Variants in AKAP13 observed in about 807,000 individuals in gnomAD.
The protein encoded by AKAP13 is A-kinase anchoring protein 13.
A neutral mutation model predicts 264.5 loss-of-function variants in AKAP13; 80 were observed. That is an observed-to-expected ratio of 0.30 (90% CI 0.25 to 0.36). The LOEUF is 0.36. AKAP13 is among the 10% of genes least tolerant of loss of function. The pLI is 1.00. For missense variants in AKAP13, 3,712 were observed against 3,435.2 expected (o/e 1.08, Z -2.01); for synonymous variants, 1,380 against 1,250.2 (o/e 1.10, Z -2.19).
intron 10 of AKAP13, among the ~76,000 whole-genome samples, chr15:85,650,768 A>AAAAAAAC (rs2082777274): frequency 7.3e-6 from 1 of 137,454 alleles, no homozygotes; most frequent in Admixed American, 7.3e-5. Context: ...AAAAAAAAAA[A>AAAAAAAC]AAAAAAAAAA....
Position 85,380,722 on chromosome 15 carries a change from C to T in AKAP13, c.-88C>T, listed in dbSNP as rs2083376691. On this transcript the variant is annotated 5_prime_UTR_variant, in exon 1 of 37. Transcript: ENST00000394518. The stretch of plus-strand genomic sequence containing the variant: ...CTTTAGCCGCCTCCGGGGGAGCGGC[C>T]GCCTATTGTCTTTCTCCGCGGCGAA... The T allele has an allele frequency of 6.6e-6, 1 of 152,624 alleles. No homozygotes were observed. The highest frequency in any genetic ancestry group is 2.1e-4 in the South Asian group (1 of 4,838). The allele number at this position is 152,624 out of a possible 1,614,324, so 9.5% of individuals were successfully genotyped here.
chr15:85,508,191 TGGAGAGCAGTG>T (rs1381671866), intron 2 of AKAP13, among the ~76,000 whole-genome samples: 1 of 151,618 alleles, frequency 6.6e-6, no homozygotes, highest in East Asian at 1.9e-4. Context: ...TCACCCAGGC[TGGAGAGCAGTG>T]GCACAGTCTT....
chr15:85,699,229 A>G (rs1041272821), intron 17 of AKAP13, among the ~76,000 whole-genome samples: 6 of 152,106 alleles, frequency 3.9e-5, no homozygotes, highest in Non-Finnish European at 1.5e-5. Flanking sequence ...AGAACACCTG[A>G]GGTCAGGAGT....
intron 9 of AKAP13, among the ~76,000 whole-genome samples, chr15:85,641,333 A>C (rs56023266): frequency 0.64 from 95,753 of 149,646 alleles, 30,792 homozygotes; most frequent in Middle Eastern, 0.73. Context: ...GTAGTCCCAG[A>C]TACTCGGGAG....
intron 5 of AKAP13, among the ~76,000 whole-genome samples, chr15:85,548,137 G>C (rs2077821015): frequency 6.6e-6 from 1 of 152,270 alleles, no homozygotes; most frequent in African/African-American, 2.4e-5. Context: ...ACCCATGTTG[G>C]GGGTATGAGG....
chr15:85,717,445 C>CTG, intron 21 of AKAP13, 43 bp downstream of exon 21: 1 of 1,354,248 alleles, frequency 7.4e-7, no homozygotes, highest in Non-Finnish European at 1.0e-6. Flanking sequence ...TCTGTAGGGA[C>CTG]TGTGTGTGTG....
chr15:85,742,738 A>G (rs2089127027), intron 35 of AKAP13, among the ~76,000 whole-genome samples: 1 of 152,206 alleles, frequency 6.6e-6, no homozygotes, highest in African/African-American at 2.4e-5. Context: ...GCCTGGGTGT[A>G]CACAGATCTG....
At chr15:85,519,062 A>G (rs1271232518) in intron 2 of AKAP13, among the ~76,000 whole-genome samples, 1 of 152,048 alleles carries the variant, frequency 6.6e-6, no homozygotes, top group African/African-American at 2.4e-5. Context: ...AGGAAGATAT[A>G]TTCTTAGAAT....
rs1202234559 is a variant in AKAP13, at chr15:85,684,742, A to G, written c.5158A>G (p.Ile1720Val). 5 of 1,609,410 alleles carry G rather than the reference A, an allele frequency of 3.1e-6. No individual in the cohort carries two copies. In the South Asian group the frequency reaches 3.3e-5, roughly 11 times the overall value. ...ATCAATCTTCTTGTTTTTATTTAGTATAACAGAAGAGAACTATAATTTCCT... is the reference window on the plus strand; with the variant it reads ...ATCAATCTTCTTGTTTTTATTTAGTGTAACAGAAGAGAACTATAATTTCCT... ...HNTSANLTES[I>V]TEENYNFLPH... The change falls in exon 16 of 37, where the codon ATA becomes GTA. Residue 1720 changes from isoleucine (I) to valine (V), a missense_variant and splice_region_variant. This residue lies in a region of AKAP13 where 2,759 missense variants were observed against 2,411.7 expected (regional missense o/e 1.14). Transcript: ENST00000394518.
intron 20 of AKAP13, 79 bp downstream of exon 20, chr15:85,716,002 C>CTTTTT (rs71141478): frequency 5.5e-6 from 7 of 1,269,834 alleles, no homozygotes; most frequent in Admixed American, 3.2e-5. Flanking sequence ...TGACAAAAAG[C>CTTTTT]TTTTTTTTTT....
intron 2 of AKAP13, among the ~76,000 whole-genome samples, chr15:85,491,497 T>TTTATTATATATTA (rs1567085099): frequency 1.4e-5 from 2 of 140,692 alleles, no homozygotes; most frequent in Admixed American, 1.5e-4. Flanking sequence ...TTATATATAT[T>TTTATTATATATTA]TATTATATAT....
At chr15:85,651,217 TAAG>T (rs2082825455) in intron 10 of AKAP13, among the ~76,000 whole-genome samples, 1 of 152,244 alleles carries the variant, frequency 6.6e-6, no homozygotes, top group Non-Finnish European at 1.5e-5. Flanking sequence ...AACATTTTAT[TAAG>T]AATATATTGA....
intron 8 of AKAP13, chr15:85,635,120 G>T: frequency 2.5e-6 from 1 of 398,092 alleles, no homozygotes; most frequent in South Asian, 1.3e-4. Flanking sequence ...GTATATGTTT[G>T]ACATTATGAA....
At chr15:85,448,788 T>C (rs2073984968) in intron 1 of AKAP13, among the ~76,000 whole-genome samples, 4 of 151,804 alleles carry the variant, frequency 2.6e-5, no homozygotes, top group Non-Finnish European at 5.9e-5. Context: ...AGTTTGAAAT[T>C]GAGTAACGTG....
rs1239438583 is a variant in AKAP13 at position 85,410,439 on chromosome 15, C to T, written c.-12+29641C>T. ...TGTTTGGACTGGCCTTTCCAAAACA[C>T]CTTTCAGGGGCTTTGTGATGCTTTC... On this transcript the variant is annotated intron_variant, in intron 1 of 36. Transcript: ENST00000394518. 2.0e-5 allele frequency among the ~76,000 whole-genome samples: 3 copies of T among 151,650 alleles called. 1 individual carries two copies. Among genetic ancestry groups the T allele is most frequent in the African/African-American group, 7.3e-5 (3 of 40,950 alleles).
At chr15:85,699,917 T>G (rs1013213077) in intron 17 of AKAP13, among the ~76,000 whole-genome samples, 3 of 152,208 alleles carry the variant, frequency 2.0e-5, no homozygotes, top group African/African-American at 7.2e-5. Flanking sequence ...GACAGTCTTT[T>G]TGAAGACCCA....
chr15:85,462,746 C>T (rs59205416), intron 1 of AKAP13, among the ~76,000 whole-genome samples: 3,089 of 152,090 alleles, frequency 0.02, 97 homozygotes, highest in African/African-American at 0.068. Context: ...AAATTTTGGC[C>T]GGGCGTGGTG....
intron 17 of AKAP13, among the ~76,000 whole-genome samples, chr15:85,705,943 CT>C: frequency 6.6e-6 from 1 of 152,290 alleles, no homozygotes; most frequent in Non-Finnish European, 1.5e-5. Context: ...TACAGTACCT[CT>C]TTTTGTAATT....
chr15:85,702,291 A>C (rs2151670144), intron 17 of AKAP13: 1 of 152,318 alleles, frequency 6.6e-6, no homozygotes, highest in South Asian at 2.1e-4. Context: ...AAAAGGATTG[A>C]AAGCAACAAA....
Sources: allele counts gnomAD v4.1 joint callset (sites outside exome capture counted in the v4.1 genomes callset), GRCh38; gene constraint gnomAD v4.1.1; regional missense constraint gnomAD v4.1.1; transcripts MANE v1.5; gene names NCBI Gene and HGNC (gene_info 2026-07-23, HGNC 2026-07-21).